NR2F1-AS1: variants seen among roughly 807,000 people sequenced by gnomAD.
The protein encoded by NR2F1-AS1 is NR2F1 antisense RNA 1.
At chr5:93,491,792 AG>A (rs1750855387) in intron 4 of NR2F1-AS1, among the ~76,000 whole-genome samples, 1 of 152,182 alleles carries the variant, frequency 6.6e-6, no homozygotes, top group Non-Finnish European at 1.5e-5. Flanking sequence ...TAGCCTCCCC[AG>A]TTCTCAGGCC....
At chr5:93,514,378 G>T (rs1384044512) in intron 4 of NR2F1-AS1, among the ~76,000 whole-genome samples, 1 of 152,036 alleles carries the variant, frequency 6.6e-6, no homozygotes, top group African/African-American at 2.4e-5. Context: ...ACAGCTCAAA[G>T]ACATACATTT....
chr5:93,454,040 G>A (rs1483728744), intron 4 of NR2F1-AS1, among the ~76,000 whole-genome samples: 1 of 152,186 alleles, frequency 6.6e-6, no homozygotes, highest in African/African-American at 2.4e-5. Context: ...ACTTTGAGAG[G>A]TCGAGGCAGG....
Position 93,577,205 on chromosome 5 carries a change from T to C in NR2F1-AS1, n.313+3262A>G, listed in dbSNP as rs150938718. Among the ~76,000 whole-genome samples the C allele has an allele frequency of 1.6e-4, 24 of 152,370 alleles. No homozygotes were observed. The East Asian group carries it at 4.6e-3, about 29-fold the overall frequency. On this transcript the variant is annotated intron_variant and non_coding_transcript_variant, in intron 1 of 5. Transcript: ENST00000660523. ...TGGGGGCCTAGGCCAAAAGGAGAAG[T>C]GCTTCCCTTATCTCTCTTTTTCAAA...
intron 1 of NR2F1-AS1, among the ~76,000 whole-genome samples, chr5:93,578,503 G>A (rs1752947120): frequency 6.6e-6 from 1 of 152,024 alleles, no homozygotes; most frequent in African/African-American, 2.4e-5. Flanking sequence ...CCCCGGCAAG[G>A]CCCTTACAGT....
In NR2F1-AS1 at chr5:93,579,614, C is replaced by T. The variant is rs534834523; in HGVS notation, n.313+853G>A. Among the ~76,000 whole-genome samples the T allele has an allele frequency of 2.7e-3, 418 of 152,026 alleles. No individual in the cohort carries two copies. The highest frequency in any genetic ancestry group is 6.9e-3 in the Middle Eastern group (2 of 290). ...GACCCCCCAGCCCCCGGGTGCAGTC[C>T]CCAGCATCGGCTGCCCCCGCCCCCC... On this transcript the variant is annotated intron_variant and non_coding_transcript_variant, in intron 1 of 5. Transcript: ENST00000660523. The surrounding 1 kb of genome is among the most constrained non-coding windows in gnomAD (Gnocchi z 5.1).
At chr5:93,567,111 C>A (rs950073481) in intron 1 of NR2F1-AS1, among the ~76,000 whole-genome samples, 4 of 151,960 alleles carry the variant, frequency 2.6e-5, no homozygotes, top group African/African-American at 9.7e-5. Flanking sequence ...ATTCTTTGGG[C>A]AAAAGAGTCC....
intron 1 of NR2F1-AS1, among the ~76,000 whole-genome samples, chr5:93,577,272 T>A (rs1752918095): frequency 6.6e-6 from 1 of 152,202 alleles, no homozygotes; most frequent in Admixed American, 6.5e-5. Flanking sequence ...AAAACTAAAC[T>A]AAGGTACAGC....
intron 4 of NR2F1-AS1, among the ~76,000 whole-genome samples, chr5:93,418,149 A>T (rs1278115852): frequency 6.6e-6 from 1 of 152,172 alleles, no homozygotes; most frequent in African/African-American, 2.4e-5. Context: ...AGCAGATTTC[A>T]GGTCCCTTAA....
chr5:93,507,327 T>G (rs914459952), intron 4 of NR2F1-AS1, among the ~76,000 whole-genome samples: 24 of 109,998 alleles, frequency 2.2e-4, no homozygotes, highest in Non-Finnish European at 3.9e-4. Flanking sequence ...GGATTTGGGG[T>G]TTTTTTTGTT....
intron 4 of NR2F1-AS1, among the ~76,000 whole-genome samples, chr5:93,550,846 G>C (rs564784501): frequency 1.3e-5 from 2 of 151,990 alleles, no homozygotes; most frequent in African/African-American, 4.8e-5. Flanking sequence ...CTATCAACCA[G>C]GAAAAATGAA....
rs1752975754 is a variant in NR2F1-AS1, at chr5:93,579,709, A to C, written n.313+758T>G. On this transcript the variant is annotated intron_variant and non_coding_transcript_variant, in intron 1 of 5. Coordinates refer to ENST00000660523, the Ensembl canonical transcript of NR2F1-AS1. The surrounding 1 kb of genome is among the most constrained non-coding windows in gnomAD (Gnocchi z 5.1). ...AAAGCGCTCTTGTTGGTTTTAATTG[A>C]GCCTCTTCCTTTCAACACACCCCCT... is the stretch of plus-strand genomic sequence containing the variant. Among the ~76,000 whole-genome samples, 1 of 147,788 alleles carries C rather than the reference A, an allele frequency of 6.8e-6. No homozygotes were observed. The highest frequency in any genetic ancestry group is 2.2e-4 in the South Asian group (1 of 4,586).
chr5:93,540,518 C>CA (rs1276104084), intron 4 of NR2F1-AS1, among the ~76,000 whole-genome samples: 1 of 152,170 alleles, frequency 6.6e-6, no homozygotes, highest in Non-Finnish European at 1.5e-5. Flanking sequence ...TGCCAGCATC[C>CA]ATTTACTTTT....
intron 4 of NR2F1-AS1, among the ~76,000 whole-genome samples, chr5:93,505,070 G>A (rs186902198): frequency 1.3e-5 from 2 of 152,228 alleles, no homozygotes; most frequent in Admixed American, 1.3e-4. Flanking sequence ...TAAATACAAT[G>A]GGGGTACAGG....
intron 4 of NR2F1-AS1, among the ~76,000 whole-genome samples, chr5:93,455,285 A>G (rs1749922317): frequency 6.6e-6 from 1 of 152,208 alleles, no homozygotes; most frequent in African/African-American, 2.4e-5. Context: ...AATGTACGAC[A>G]CTAGCAACAT....
At chr5:93,487,016 T>C (rs1045162500) in intron 4 of NR2F1-AS1, among the ~76,000 whole-genome samples, 1 of 152,202 alleles carries the variant, frequency 6.6e-6, no homozygotes, top group Non-Finnish European at 1.5e-5. Context: ...TCTCAACAGA[T>C]GCTGAAAAGG....
intron 4 of NR2F1-AS1, among the ~76,000 whole-genome samples, chr5:93,492,723 T>G (rs1750878108): frequency 6.6e-6 from 1 of 152,032 alleles, no homozygotes; most frequent in South Asian, 2.1e-4. Flanking sequence ...AATGCAAGTG[T>G]GGTTGAACAT....
At chr5:93,494,310 A>G (rs1330501249) in intron 4 of NR2F1-AS1, among the ~76,000 whole-genome samples, 2 of 152,162 alleles carry the variant, frequency 1.3e-5, no homozygotes, top group African/African-American at 2.4e-5. Flanking sequence ...CACACCCATT[A>G]GGATACCTTT....
chr5:93,441,774 A>C (rs1197804527), intron 4 of NR2F1-AS1, among the ~76,000 whole-genome samples: 1 of 152,212 alleles, frequency 6.6e-6, no homozygotes, highest in Non-Finnish European at 1.5e-5. Flanking sequence ...TTAGTTAAAA[A>C]ACAATCCAAT....
chr5:93,416,713 T>C (rs1310744067), intron 4 of NR2F1-AS1, among the ~76,000 whole-genome samples: 1 of 152,158 alleles, frequency 6.6e-6, no homozygotes. Context: ...TACTAAGCGG[T>C]CGAACTCCTT....
Sources: gnomAD v4.1 joint callset for allele counts (sites outside exome capture counted in the v4.1 genomes callset) on GRCh38, gnomAD v4.1.1 for gene constraint, Gnocchi (gnomAD v3.1) non-coding constraint, MANE v1.5 for transcripts, NCBI Gene and HGNC (gene_info 2026-07-23, HGNC 2026-07-21) for gene names.